Variants in SEMA6A observed in about 807,000 individuals in gnomAD.
SEMA6A encodes semaphorin-6A.
SEMA6A carries 25 observed loss-of-function variants against 96.8 expected under a neutral mutation model. The observed-to-expected ratio is 0.26, with a 90% CI of 0.19 to 0.36. SEMA6A has a LOEUF of 0.36. Ranked by LOEUF, SEMA6A falls within the 10% of genes least tolerant of loss-of-function variation. The pLI is 1.00. For synonymous variants in SEMA6A, 612 were observed against 518.0 expected (o/e 1.18, Z -2.46); for missense variants, 1,363 against 1,323.1 (o/e 1.03, Z -0.47).
At chr5:116,549,590 C>T (rs140369104) in intron 1 of SEMA6A, among the ~76,000 whole-genome samples, 1 of 152,294 alleles carries the variant, frequency 6.6e-6, no homozygotes, top group East Asian at 1.9e-4. Flanking sequence ...AAACAGAAGA[C>T]ATGAAATAAG....
At chr5:116,515,507 A>G (rs1358664563) in intron 1 of SEMA6A, among the ~76,000 whole-genome samples, 2 of 152,214 alleles carry the variant, frequency 1.3e-5, no homozygotes, top group East Asian at 1.9e-4. Context: ...CCTGAATCCA[A>G]GCATTTTTCC....
In SEMA6A at chr5:116,480,134, C is replaced by T. The variant is rs1756675979; in HGVS notation, c.1238G>A (p.Arg413Lys). The change falls in exon 12 of 19, where the codon AGA (arginine) becomes AAA (lysine). Residue 413 changes from arginine to lysine, a missense_variant. Coordinates refer to ENST00000343348, the MANE Select transcript of SEMA6A (RefSeq NM_020796.5). ...GTTTGACACCCACCTGACCATTGTT[C>T]TCAGGAACCATGGCCTGTTGAAGAT... ...PSIFNRPWFL[R>K]TMVRYRLTKI... is the part of the protein sequence containing the mutation. 1 of 1,613,756 alleles carries T rather than the reference C, an allele frequency of 6.2e-7. No individual in the cohort carries two copies. Among genetic ancestry groups the T allele is most frequent in the African/African-American group, 1.3e-5 (1 of 75,042 alleles).
chr5:116,551,770 G>T (rs17140097), intron 1 of SEMA6A, among the ~76,000 whole-genome samples: 2 of 152,152 alleles, frequency 1.3e-5, no homozygotes, highest in Admixed American at 6.5e-5. Flanking sequence ...CTCAGAGGTC[G>T]TAATCACAAC....
intron 1 of SEMA6A, among the ~76,000 whole-genome samples, chr5:116,544,748 C>T (rs1436870173): frequency 3.3e-5 from 5 of 152,210 alleles, no homozygotes; most frequent in African/African-American, 1.2e-4. Context: ...GATTTATCTG[C>T]AGCCTCACCC....
intron 1 of SEMA6A, among the ~76,000 whole-genome samples, chr5:116,547,983 C>A (rs1404727136): frequency 1.3e-5 from 2 of 152,076 alleles, no homozygotes; most frequent in Admixed American, 6.6e-5. Flanking sequence ...GGGACTCTGA[C>A]CTTCATGGTA....
At chr5:116,496,353 T>C (rs1298937094) in intron 4 of SEMA6A, 40 bp from the exon 5 acceptor site, 1 of 1,578,902 alleles carries the variant, frequency 6.3e-7, no homozygotes, top group Non-Finnish European at 8.7e-7. Context: ...AGCCCAGAGG[T>C]TGTTGCGTTT....
chr5:116,573,966 G>A (rs1761353782), intron 1 of SEMA6A, among the ~76,000 whole-genome samples: 1 of 152,040 alleles, frequency 6.6e-6, no homozygotes, highest in East Asian at 1.9e-4. Flanking sequence ...TCTCGACGTG[G>A]AGCCGGACGC....
At chr5:116,554,940 C>G (rs1039536025) in intron 1 of SEMA6A, 10 of 152,176 alleles carry the variant, frequency 6.6e-5, no homozygotes, top group African/African-American at 1.9e-4. Context: ...TTTGATGAAG[C>G]CTTTTGTGTT....
intron 1 of SEMA6A, among the ~76,000 whole-genome samples, chr5:116,559,589 A>C (rs1448026816): frequency 6.6e-6 from 1 of 152,072 alleles, no homozygotes; most frequent in Non-Finnish European, 1.5e-5. Flanking sequence ...CGGGGTTCGG[A>C]CCAATACAAG....
intron 1 of SEMA6A, among the ~76,000 whole-genome samples, chr5:116,545,362 G>C (rs566997037): frequency 6.6e-6 from 1 of 152,062 alleles, no homozygotes; most frequent in Non-Finnish European, 1.5e-5. Flanking sequence ...CTGAGGTCAG[G>C]AGTTCGAGAC....
chr5:116,535,745 TCTG>T, intron 1 of SEMA6A, among the ~76,000 whole-genome samples: 1 of 152,288 alleles, frequency 6.6e-6, no homozygotes, highest in East Asian at 1.9e-4. Flanking sequence ...GTGTGGAGCT[TCTG>T]CTCCAGAGAC....
At chr5:116,487,920 C>T (rs1238704106) in intron 9 of SEMA6A, among the ~76,000 whole-genome samples, 188 bp downstream of exon 9, 2 of 152,108 alleles carry the variant, frequency 1.3e-5, no homozygotes, top group Non-Finnish European at 2.9e-5. Context: ...CATAAATTTT[C>T]CATAGAAATA....
chr5:116,446,641 G>A lies in SEMA6A; in HGVS notation c.3065C>T (p.Ser1022Phe). The change falls in exon 19 of 19, where the codon TCC becomes TTC. Residue 1022 changes from serine to phenylalanine, a missense_variant. By Grantham distance (155) the Ser-to-Phe change is radical (BLOSUM62 -2). Coordinates refer to ENST00000343348, the MANE Select transcript of SEMA6A (RefSeq NM_020796.5). ...TGTACACGCATCATTGGGCTTCATG[G>A]ATGTGGAAAGGGGAGCAAAGGATGG... ...PKPSFAPLST[S>F]MKPNDACT 6.6e-7 allele frequency: 1 copy of A among 1,522,060 alleles called. No homozygotes were observed. The highest frequency in any genetic ancestry group is 8.8e-7 in the Non-Finnish European group (1 of 1,134,494). The allele number at this position is 1,522,060 out of a possible 1,614,324, so 94.3% of individuals were successfully genotyped here. A position where few individuals can be genotyped will look rare whatever the true frequency, so the allele number is the denominator to read the frequency against.
At chr5:116,467,995 G>C (rs542043414) in intron 17 of SEMA6A, 1 of 476,684 alleles carries the variant, frequency 2.1e-6, no homozygotes, top group African/African-American at 2.0e-5. Flanking sequence ...TACTTGCTGG[G>C]TGGGCCTCAG....
intron 1 of SEMA6A, among the ~76,000 whole-genome samples, chr5:116,525,930 T>G (rs943123192): frequency 6.6e-6 from 1 of 152,234 alleles, no homozygotes. Flanking sequence ...AGATGAAGGC[T>G]GGCTGGAGGA....
At chr5:116,480,060 T>G in intron 12 of SEMA6A, 62 bp downstream of exon 12, 1 of 1,572,482 alleles carries the variant, frequency 6.4e-7, no homozygotes, top group Non-Finnish European at 8.7e-7. Flanking sequence ...ATCCACTGAT[T>G]GGTTCTCCGA....
chr5:116,479,843 C>T lies in SEMA6A; in HGVS notation c.1250+279G>A, dbSNP rs193288363. ...CCTTCACTGCTCCTCTATTTTTGCACAGATTGGATCAATGGGCTAATCCAG... is the reference window on the plus strand; with the variant it reads ...CCTTCACTGCTCCTCTATTTTTGCATAGATTGGATCAATGGGCTAATCCAG... On this transcript the variant is annotated intron_variant, in intron 12 of 18. Coordinates refer to ENST00000343348, the MANE Select transcript of SEMA6A (RefSeq NM_020796.5). Among the ~76,000 whole-genome samples, 388 of 152,270 alleles carry T rather than the reference C, an allele frequency of 2.5e-3. 3 individuals are homozygous for T. Among genetic ancestry groups the T allele is most frequent in the African/African-American group, 7.5e-3 (311 of 41,550 alleles).
intron 9 of SEMA6A, 23 bp downstream of exon 9, chr5:116,488,085 C>G: frequency 6.8e-7 from 1 of 1,480,898 alleles, no homozygotes; most frequent in South Asian, 1.2e-5. Flanking sequence ...ACAAACTGAG[C>G]CAAGGACAGC....
chr5:116,512,458 T>A (rs1758453951), intron 1 of SEMA6A, among the ~76,000 whole-genome samples: 1 of 152,196 alleles, frequency 6.6e-6, no homozygotes. Flanking sequence ...TGGAGAGTGA[T>A]GATGGCATTC....
Sources: allele counts gnomAD v4.1 joint callset (sites outside exome capture counted in the v4.1 genomes callset), GRCh38; gene constraint gnomAD v4.1.1; transcripts MANE v1.5; gene names NCBI Gene and HGNC (gene_info 2026-07-23, HGNC 2026-07-21).